Variants in MYO16 observed in about 807,000 individuals in gnomAD.
MYO16 encodes unconventional myosin-XVI.
In MYO16, 94 loss-of-function variants were observed where a neutral mutation model predicts 205.3. The observed-to-expected ratio is 0.46, with a 90% CI of 0.39 to 0.54. The LOEUF is 0.54. Among genes scored for constraint, MYO16 ranks in the 20% least tolerant of loss-of-function variants. The probability of loss-of-function intolerance (pLI) is 0.00; values close to 1 mark genes in which losing one functional copy is unlikely to be tolerated. For synonymous variants in MYO16, 988 were observed against 954.0 expected, an observed-to-expected ratio of 1.04 and a Z score of -0.66; for missense variants, 2,315 against 2,387.5, an observed-to-expected ratio of 0.97 and a Z score of 0.63.
intron 34 of MYO16, among the ~76,000 whole-genome samples, chr13:109,195,462 T>TA (rs895150823): frequency 1.3e-5 from 2 of 152,156 alleles, no homozygotes; most frequent in Non-Finnish European, 2.9e-5. Flanking sequence ...AAAGACTTTT[T>TA]AAAAATCACA....
At chr13:108,851,522 TC>T (rs1877863375) in intron 10 of MYO16, among the ~76,000 whole-genome samples, 1 of 152,158 alleles carries the variant, frequency 6.6e-6, no homozygotes, top group African/African-American at 2.4e-5. Flanking sequence ...TCCTTTTATA[TC>T]CAAAGGCAAG....
Position 108,820,351 on chromosome 13 carries a change from A to G in MYO16, c.882A>G (p.Lys294=). The G allele has an allele frequency of 1.2e-6, 2 of 1,601,788 alleles. No homozygotes were observed. Among genetic ancestry groups the G allele is most frequent in the Admixed American group, 3.4e-5 (2 of 59,280 alleles). Residue 294 remains lysine, a synonymous_variant, in exon 8 of 35, where the codon AAA becomes AAG. Coordinates refer to ENST00000457511, the MANE Select transcript of MYO16 (RefSeq NM_001198950.3). ...AAKYGQTNLV[K]LLLMHQANPH... is the part of the protein sequence containing the mutation. Reference sequence around the variant, plus strand: ...TAATATTTCAGACAAATCTGGTGAAACTTCTCCTGATGCATCAGGCAAACC... The same window carrying G: ...TAATATTTCAGACAAATCTGGTGAAGCTTCTCCTGATGCATCAGGCAAACC...
At chr13:108,825,635 G>C (rs562997801) in intron 9 of MYO16, among the ~76,000 whole-genome samples, 10 of 150,388 alleles carry the variant, frequency 6.6e-5, no homozygotes, top group Non-Finnish European at 1.3e-4. Context: ...AAATGAAGAA[G>C]TAAAACTATC....
chr13:109,134,294 T>C (rs1409928092), intron 31 of MYO16, among the ~76,000 whole-genome samples: 2 of 152,174 alleles, frequency 1.3e-5, no homozygotes, highest in African/African-American at 4.8e-5. Flanking sequence ...ATGCTACTTT[T>C]ATTTATAATT....
intron 23 of MYO16, among the ~76,000 whole-genome samples, chr13:109,024,707 A>G (rs1237163744): frequency 2.0e-5 from 3 of 152,146 alleles, no homozygotes; most frequent in Admixed American, 6.6e-5. Context: ...GATTTTTCTC[A>G]TGGGAGTCAG....
the MYO16 span, among the ~76,000 whole-genome samples, chr13:108,576,348 A>C: frequency 2.0e-4 from 31 of 152,302 alleles, no homozygotes; most frequent in African/African-American, 7.5e-4. Flanking sequence ...TCCACGTTGT[A>C]AAGTTCTTTT....
chr13:108,887,930 A>C (rs532346147), intron 13 of MYO16, among the ~76,000 whole-genome samples: 15 of 151,740 alleles, frequency 9.9e-5, no homozygotes, highest in African/African-American at 2.9e-4. Flanking sequence ...GTGAGCCTGC[A>C]TGTCTCAACA....
chr13:108,769,776 G>A (rs1271606507), intron 4 of MYO16, among the ~76,000 whole-genome samples: 1 of 152,172 alleles, frequency 6.6e-6, no homozygotes, highest in Non-Finnish European at 1.5e-5. Flanking sequence ...GCAAGAGAGA[G>A]AAATCAAGAA....
At chr13:108,580,717 C>A in the MYO16 span, among the ~76,000 whole-genome samples, 3 of 152,124 alleles carry the variant, frequency 2.0e-5, no homozygotes, top group Admixed American at 6.5e-5. Context: ...AGTGGAATGC[C>A]CCATTTGCCT....
the MYO16 span, among the ~76,000 whole-genome samples, chr13:108,551,615 C>G: frequency 6.6e-6 from 1 of 152,050 alleles, no homozygotes; most frequent in South Asian, 2.1e-4. Context: ...CAGAATTATT[C>G]CAAACATGAT....
chr13:108,948,230 T>G (rs1883008079), intron 16 of MYO16, among the ~76,000 whole-genome samples: 1 of 152,240 alleles, frequency 6.6e-6, no homozygotes, highest in East Asian at 1.9e-4. Flanking sequence ...TGTTTAATTT[T>G]GCCTTATTTG....
intron 21 of MYO16, among the ~76,000 whole-genome samples, chr13:109,001,983 T>C (rs1885229563): frequency 6.6e-6 from 1 of 152,214 alleles, no homozygotes; most frequent in Admixed American, 6.5e-5. Flanking sequence ...TATATACACA[T>C]ATATATTAAC....
At chr13:109,100,671 TAAAG>T (rs965480030) in intron 27 of MYO16, 110 bp from the exon 28 acceptor site, 1 of 748,580 alleles carries the variant, frequency 1.3e-6, no homozygotes, top group African/African-American at 1.7e-5. Context: ...GTTCCTGGGA[TAAAG>T]AAAGACGGGG....
At chr13:109,049,805 A>G (rs1232211394) in intron 24 of MYO16, among the ~76,000 whole-genome samples, 1 of 152,134 alleles carries the variant, frequency 6.6e-6, no homozygotes, top group African/African-American at 2.4e-5. Flanking sequence ...CGAAATCATT[A>G]TAAAGTACTC....
chr13:108,985,483 C>T (rs950356047), intron 20 of MYO16, among the ~76,000 whole-genome samples: 7 of 152,184 alleles, frequency 4.6e-5, no homozygotes, highest in Admixed American at 2.6e-4. Context: ...GACAGCGTAG[C>T]ATGTAGCTGA....
chr13:108,781,150 C>G (rs1886288569), intron 4 of MYO16, among the ~76,000 whole-genome samples: 1 of 152,202 alleles, frequency 6.6e-6, no homozygotes, highest in South Asian at 2.1e-4. Context: ...TAGTATTTCA[C>G]TGGGAACATT....
chr13:108,511,194 T>A, the MYO16 span, among the ~76,000 whole-genome samples: 1 of 130,762 alleles, frequency 7.6e-6, no homozygotes, highest in East Asian at 2.6e-4. Context: ...TATCTCATAG[T>A]GGTTTTGATT....
In MYO16 at chr13:109,153,232, G is replaced by C. The variant is rs368353021; in HGVS notation, c.5165-11669G>C. On this transcript the variant is annotated intron_variant, in intron 32 of 34. Transcript: ENST00000457511. The stretch of plus-strand genomic sequence containing the variant: ...CTGGTCTACAGGGGAGGATTTATAC[G>C]GGCAAATAGGAAACAAAATCTCCAA... 2.0e-5 allele frequency among the ~76,000 whole-genome samples: 3 copies of C among 152,006 alleles called. 1 individual carries two copies. The Middle Eastern group carries it at 0.01, about 517-fold the overall frequency.
In MYO16 at chr13:109,116,530, C is replaced by A. The variant is rs566694170; in HGVS notation, c.3439-3840C>A. 3.9e-5 allele frequency among the ~76,000 whole-genome samples: 6 copies of A among 152,262 alleles called. 1 individual carries two copies. In the South Asian group the frequency reaches 1.2e-3, roughly 32 times the overall value. ...ACCTGGCCTGACATGCAGATCTGCCCTGTGAAACCATCAATCCACTTCTCA... is the reference window on the plus strand; with the variant it reads ...ACCTGGCCTGACATGCAGATCTGCCATGTGAAACCATCAATCCACTTCTCA... On this transcript the variant is annotated intron_variant, in intron 28 of 34. Coordinates refer to ENST00000457511, the MANE Select transcript of MYO16 (RefSeq NM_001198950.3).
Sources: gnomAD v4.1 joint callset for allele counts (sites outside exome capture counted in the v4.1 genomes callset) on GRCh38, gnomAD v4.1.1 for gene constraint, MANE v1.5 for transcripts, NCBI Gene and HGNC (gene_info 2026-07-23, HGNC 2026-07-21) for gene names.